GALNTL6: variants seen among roughly 807,000 people sequenced by gnomAD.
GALNTL6 encodes the protein polypeptide N-acetylgalactosaminyltransferase-like 6.
Under a neutral mutation model 73.7 loss-of-function variants are expected in GALNTL6, and 46 were observed. The observed-to-expected ratio is 0.62, with a 90% confidence interval of 0.49 to 0.80. GALNTL6 has a LOEUF of 0.80. Ranked by LOEUF, GALNTL6 falls within the 30% of genes least tolerant of loss-of-function variation. The probability of loss-of-function intolerance (pLI) is 0.00; values close to 1 mark genes in which losing one functional copy is unlikely to be tolerated. For missense variants in GALNTL6, 604 were observed against 755.0 expected, an observed-to-expected ratio of 0.80 and a Z score of 2.34; for synonymous variants, 259 against 263.7, an observed-to-expected ratio of 0.98 and a Z score of 0.17.
At chr4:171,951,194 TA>T in intron 2 of GALNTL6, among the ~76,000 whole-genome samples, 2 of 151,900 alleles carry the variant, frequency 1.3e-5, no homozygotes, top group Non-Finnish European at 2.9e-5. Context: ...AAGAAGTTGC[TA>T]AAAAAATAAC....
intron 2 of GALNTL6, among the ~76,000 whole-genome samples, chr4:172,001,250 A>G (rs1213209825): frequency 1.3e-5 from 2 of 152,188 alleles, no homozygotes; most frequent in Non-Finnish European, 2.9e-5. Flanking sequence ...ACTATATCCA[A>G]TTAGTATACT....
At chr4:171,845,410 G>A (rs1413870139) in intron 2 of GALNTL6, among the ~76,000 whole-genome samples, 1 of 152,140 alleles carries the variant, frequency 6.6e-6, no homozygotes. Context: ...TGTCATGTCA[G>A]TGTTAATATC....
chr4:172,131,430 C>CAT (rs1733492989), intron 2 of GALNTL6, among the ~76,000 whole-genome samples: 2 of 88,420 alleles, frequency 2.3e-5, no homozygotes, highest in African/African-American at 9.7e-5. Context: ...TATATATATA[C>CAT]ACACACACAC....
intron 5 of GALNTL6, among the ~76,000 whole-genome samples, chr4:172,775,766 T>C (rs1192696397): frequency 6.6e-6 from 1 of 152,182 alleles, no homozygotes; most frequent in Non-Finnish European, 1.5e-5. Context: ...GATCATCACC[T>C]CCCTGATTAG....
At position 172,966,677 on chromosome 4, in the gene GALNTL6, C is replaced by A. The variant is rs1200466599; in HGVS notation, c.1371+14419C>A. Among the ~76,000 whole-genome samples, 5 of 152,240 alleles carry A rather than the reference C, an allele frequency of 3.3e-5. No homozygotes were observed. In the East Asian group the frequency reaches 9.6e-4, roughly 29 times the overall value. On this transcript the variant is annotated intron_variant, in intron 10 of 12. Coordinates refer to ENST00000506823, the MANE Select transcript of GALNTL6 (RefSeq NM_001034845.3). ...AAAGTGCTGGGATTACAGGCGTGAG[C>A]CACCGCGCCCAGCCCAGGGAGTCAA...
At chr4:173,020,498 C>T (rs950217279) in intron 11 of GALNTL6, among the ~76,000 whole-genome samples, 2 of 152,138 alleles carry the variant, frequency 1.3e-5, no homozygotes, top group African/African-American at 4.8e-5. Flanking sequence ...CAAGGGAGGT[C>T]TCTGTGTGTG....
chr4:171,979,566 A>G (rs1025308006), intron 2 of GALNTL6, among the ~76,000 whole-genome samples: 11 of 152,198 alleles, frequency 7.2e-5, no homozygotes, highest in African/African-American at 2.4e-4. Context: ...TAATTCCTAT[A>G]AATTTGGAGA....
intron 2 of GALNTL6, among the ~76,000 whole-genome samples, chr4:171,869,410 T>C (rs1736072849): frequency 6.6e-6 from 1 of 152,186 alleles, no homozygotes; most frequent in Non-Finnish European, 1.5e-5. Flanking sequence ...TTTTGCAGCT[T>C]TTTTGTCTGC....
rs550168678 is a variant in GALNTL6, at chr4:172,415,953, G to A, written c.553+67264G>A. On this transcript the variant is annotated intron_variant, in intron 5 of 12. Transcript: ENST00000506823. ...CAGGCCTGGAACGTAGCACCAGGCT[G>A]TCTGACTACTGATTTCATTTCTGTC... is the stretch of plus-strand genomic sequence containing the variant. 5.9e-5 allele frequency among the ~76,000 whole-genome samples: 9 copies of A among 152,244 alleles called. No individual in the cohort carries two copies. The South Asian group carries it at 1.9e-3, about 32-fold the overall frequency.
intron 5 of GALNTL6, among the ~76,000 whole-genome samples, chr4:172,464,543 A>C (rs1038602709): frequency 1.3e-5 from 2 of 151,932 alleles, no homozygotes; most frequent in African/African-American, 4.8e-5. Flanking sequence ...CCTTGTCTCT[A>C]CTAAAAATAC....
intron 5 of GALNTL6, among the ~76,000 whole-genome samples, chr4:172,687,216 T>A (rs1732968703): frequency 6.6e-6 from 1 of 152,108 alleles, no homozygotes; most frequent in African/African-American, 2.4e-5. Context: ...TCTATAATAA[T>A]AACAATAATA....
intron 2 of GALNTL6, among the ~76,000 whole-genome samples, chr4:171,898,323 C>T (rs528106260): frequency 3.2e-4 from 48 of 152,094 alleles, no homozygotes; most frequent in Non-Finnish European, 5.3e-4. Context: ...TAATCATACA[C>T]TTAGCATGCG....
rs1734386694 is a variant in GALNTL6, at chr4:172,506,382, T to C, written c.553+157693T>C. On this transcript the variant is annotated intron_variant, in intron 5 of 12. Transcript: ENST00000506823. ...ACTCAAACTCATTGGAGAGATGGAG[T>C]TGAGGGTGTCCTCTTATCAACACCC... 3.7e-5 allele frequency among the ~76,000 whole-genome samples: 2 copies of C among 53,576 alleles called. 1 individual carries two copies. Among genetic ancestry groups the C allele is most frequent in the African/African-American group, 9.4e-5 (2 of 21,370 alleles). 35.1% of individuals were successfully genotyped at this position (53,576 alleles called of 152,430 possible). A position where few individuals can be genotyped will look rare whatever the true frequency, so the allele number is the denominator to read the frequency against.
At chr4:172,597,475 T>A (rs189276678) in intron 5 of GALNTL6, among the ~76,000 whole-genome samples, 170 of 152,350 alleles carry the variant, frequency 1.1e-3, no homozygotes, top group Non-Finnish European at 1.8e-3. Flanking sequence ...TTTTGTGTCA[T>A]TAAATAATAG....
At chr4:172,261,665 T>A (rs778274342) in intron 3 of GALNTL6, among the ~76,000 whole-genome samples, 1 of 151,514 alleles carries the variant, frequency 6.6e-6, no homozygotes, top group Non-Finnish European at 1.5e-5. Flanking sequence ...TTCTTGTTTC[T>A]CTAATTCCAT....
chr4:172,005,157 C>CTCTG (rs1740799147), intron 2 of GALNTL6, among the ~76,000 whole-genome samples: 2 of 151,876 alleles, frequency 1.3e-5, no homozygotes, highest in Admixed American at 6.6e-5. Context: ...CAGGGTCTCA[C>CTCTG]TCTGTCACCC....
chr4:171,911,690 C>G (rs962554708), intron 2 of GALNTL6, among the ~76,000 whole-genome samples: 35 of 151,422 alleles, frequency 2.3e-4, no homozygotes, highest in Non-Finnish European at 4.0e-4. Flanking sequence ...AAACAGAATT[C>G]CCAACTGTCC....
chr4:172,381,437 T>C (rs1210382370), intron 5 of GALNTL6, among the ~76,000 whole-genome samples: 1 of 152,164 alleles, frequency 6.6e-6, no homozygotes, highest in African/African-American at 2.4e-5. Flanking sequence ...TCCTCCCTAC[T>C]CCCAGTTTTC....
intron 7 of GALNTL6, among the ~76,000 whole-genome samples, chr4:172,873,830 G>A (rs1025675313): frequency 3.3e-5 from 5 of 152,142 alleles, no homozygotes; most frequent in African/African-American, 1.2e-4. Flanking sequence ...TTATTAAAAG[G>A]TAAAGGGCTG....
Sources: allele counts gnomAD v4.1 joint callset (sites outside exome capture counted in the v4.1 genomes callset), GRCh38; gene constraint gnomAD v4.1.1; transcripts MANE v1.5; gene names NCBI Gene and HGNC (gene_info 2026-07-23, HGNC 2026-07-21).